Variants in DPP6 observed in about 807,000 individuals in gnomAD.
The protein encoded by DPP6 is dipeptidyl peptidase like 6.
A neutral mutation model predicts 122.6 loss-of-function variants in DPP6; 69 were observed. That is an observed-to-expected ratio of 0.56 (90% CI 0.46 to 0.69). The LOEUF (loss-of-function observed/expected upper bound fraction) is 0.69. DPP6 is among the 30% of genes least tolerant of loss of function. DPP6 has a pLI of 0.00. For missense variants in DPP6, 928 were observed against 1,116.9 expected (o/e 0.83, Z 2.41); for synonymous variants, 418 against 433.1 (o/e 0.97, Z 0.43).
the DPP6 span, among the ~76,000 whole-genome samples, chr7:153,856,063 C>A: frequency 6.6e-6 from 1 of 152,140 alleles, no homozygotes; most frequent in Non-Finnish European, 1.5e-5. Flanking sequence ...ATAAGCACAG[C>A]TTTGTGAGCA....
intron 1 of DPP6, among the ~76,000 whole-genome samples, chr7:154,435,268 A>G (rs1248551812): frequency 6.6e-6 from 1 of 152,082 alleles, no homozygotes; most frequent in African/African-American, 2.4e-5. Context: ...GACGAGAGAG[A>G]AAGAAAGAGG....
intron 1 of DPP6, among the ~76,000 whole-genome samples, chr7:154,314,542 T>C (rs75227775): frequency 0.09 from 13,769 of 152,280 alleles, 1,472 homozygotes; most frequent in African/African-American, 0.26. Flanking sequence ...TTTTCCAAGA[T>C]TGGCATGTGA....
the DPP6 span, among the ~76,000 whole-genome samples, chr7:153,838,649 A>C: frequency 1.3e-5 from 2 of 152,230 alleles, no homozygotes; most frequent in African/African-American, 4.8e-5. Flanking sequence ...GAAATAGCGT[A>C]TAGTAAGTAT....
At chr7:154,239,818 CAAAAAAA>C (rs146860382) in intron 1 of DPP6, among the ~76,000 whole-genome samples, 3 of 91,858 alleles carry the variant, frequency 3.3e-5, no homozygotes, top group Non-Finnish European at 7.8e-5. Flanking sequence ...ACTAAAACTA[CAAAAAAA>C]AAAAAAAAAG....
chr7:153,921,664 C>T (rs1207967283), intron 1 of DPP6, among the ~76,000 whole-genome samples: 1 of 152,194 alleles, frequency 6.6e-6, no homozygotes, highest in Non-Finnish European at 1.5e-5. Context: ...GCTCTGCACA[C>T]AGTGAGTAAT....
At chr7:154,693,383 G>A (rs984545797) in intron 7 of DPP6, among the ~76,000 whole-genome samples, 1 of 152,138 alleles carries the variant, frequency 6.6e-6, no homozygotes, top group Non-Finnish European at 1.5e-5. Context: ...ATATTATAAG[G>A]AGTTTGAAAT....
At chr7:154,492,771 A>G (rs1287735831) in intron 3 of DPP6, among the ~76,000 whole-genome samples, 1 of 152,160 alleles carries the variant, frequency 6.6e-6, no homozygotes, top group Admixed American at 6.5e-5. Flanking sequence ...TGTGGACCCT[A>G]CACCATCCTA....
chr7:154,062,301 G>T (rs1167394162), intron 1 of DPP6, among the ~76,000 whole-genome samples: 2 of 80,416 alleles, frequency 2.5e-5, no homozygotes, highest in Non-Finnish European at 5.1e-5. Flanking sequence ...TTCCCCCCCG[G>T]CTCTGAGGAC....
chr7:154,716,930 T>G (rs767253772), intron 7 of DPP6, among the ~76,000 whole-genome samples: 1 of 152,086 alleles, frequency 6.6e-6, no homozygotes, highest in Middle Eastern at 3.4e-3. Context: ...GCCTCCCAGG[T>G]TCAAGCGATT....
chr7:154,820,817 A>G (rs1799713922), intron 16 of DPP6, among the ~76,000 whole-genome samples: 1 of 152,242 alleles, frequency 6.6e-6, no homozygotes, highest in Non-Finnish European at 1.5e-5. Context: ...TTGAGTCGTT[A>G]GGGAAAAGAA....
At chr7:154,713,252 G>A (rs1390321317) in intron 7 of DPP6, among the ~76,000 whole-genome samples, 1 of 152,214 alleles carries the variant, frequency 6.6e-6, no homozygotes, top group Non-Finnish European at 1.5e-5. Context: ...GCTTTCATGG[G>A]CTGACATTGT....
At chr7:153,910,640 C>T (rs117386340) in intron 1 of DPP6, among the ~76,000 whole-genome samples, 6,370 of 152,258 alleles carry the variant, frequency 0.042, 197 homozygotes, top group South Asian at 0.081. Context: ...TCACCTCTCA[C>T]GTGCCTAATG....
At chr7:154,344,702 C>A (rs1040818230) in intron 1 of DPP6, among the ~76,000 whole-genome samples, 2 of 152,004 alleles carry the variant, frequency 1.3e-5, no homozygotes, top group African/African-American at 4.8e-5. Context: ...TTCACATTTT[C>A]CGGTGAGACC....
intron 1 of DPP6, among the ~76,000 whole-genome samples, chr7:154,064,242 C>T (rs541025745): frequency 6.9e-4 from 105 of 152,166 alleles, no homozygotes; most frequent in Non-Finnish European, 1.2e-3. Context: ...TTGGGGCCCT[C>T]GCAATCATTG....
chr7:154,347,122 G>A lies in DPP6; in HGVS notation c.244-99092G>A, dbSNP rs145029026. Reference sequence around the variant, plus strand: ...ATTGTTGCCTTTGGCCAAACTCAGCGATTGTGAATGACATCTCCTGCTCGG... The same window carrying A: ...ATTGTTGCCTTTGGCCAAACTCAGCAATTGTGAATGACATCTCCTGCTCGG... On this transcript the variant is annotated intron_variant, in intron 1 of 25. Transcript: ENST00000377770. 2.6e-5 allele frequency among the ~76,000 whole-genome samples: 4 copies of A among 152,288 alleles called. No homozygotes were observed. In the East Asian group the frequency reaches 5.8e-4, roughly 22 times the overall value.
At chr7:154,147,493 T>TTC (rs1563247597) in intron 1 of DPP6, among the ~76,000 whole-genome samples, 59 of 142,618 alleles carry the variant, frequency 4.1e-4, no homozygotes, top group African/African-American at 1.5e-3. Flanking sequence ...TTCCTTCCTT[T>TTC]CTTTTTCTGT....
intron 17 of DPP6, among the ~76,000 whole-genome samples, chr7:154,855,567 C>T (rs925661307): frequency 9.2e-5 from 14 of 152,160 alleles, no homozygotes; most frequent in Non-Finnish European, 1.2e-4. Flanking sequence ...GGATGTTGGG[C>T]GCGATTGCCT....
the DPP6 span, among the ~76,000 whole-genome samples, chr7:153,831,802 G>A: frequency 2.0e-5 from 3 of 152,122 alleles, no homozygotes; most frequent in African/African-American, 4.8e-5. Context: ...TGCAGACCTC[G>A]GGCCAAAGAC....
chr7:154,558,168 A>C (rs2130448899), intron 4 of DPP6, among the ~76,000 whole-genome samples: 1 of 151,898 alleles, frequency 6.6e-6, no homozygotes, highest in Middle Eastern at 3.4e-3. Flanking sequence ...CTCAATGTTG[A>C]ACTCCCACTT....
Sources: gnomAD v4.1 joint callset for allele counts (sites outside exome capture counted in the v4.1 genomes callset) on GRCh38, gnomAD v4.1.1 for gene constraint, MANE v1.5 for transcripts, NCBI Gene and HGNC (gene_info 2026-07-23, HGNC 2026-07-21) for gene names.